The following DHX35 variants were observed in gnomAD, a reference collection of about 807,000 sequenced individuals.
DHX35 encodes the protein probable ATP-dependent RNA helicase DHX35.
In DHX35, 84 loss-of-function variants were observed where a neutral mutation model predicts 99.6. The observed-to-expected ratio is 0.84, with a 90% CI of 0.71 to 1.01. The LOEUF is 1.01. Ranked by LOEUF, DHX35 falls within the 50% of genes least tolerant of loss-of-function variation. DHX35 has a pLI of 0.00. For missense variants in DHX35, 852 were observed against 888.5 expected (o/e 0.96, Z 0.52); for synonymous variants, 331 against 316.2 (o/e 1.05, Z -0.50).
At chr20:38,992,846 CAG>C (rs1416402271) in intron 7 of DHX35, among the ~76,000 whole-genome samples, 3 of 152,090 alleles carry the variant, frequency 2.0e-5, no homozygotes, top group Non-Finnish European at 2.9e-5. Context: ...ATATGGCTTG[CAG>C]ATTTTAAATA....
At chr20:38,974,418 A>G (rs2086046310) in intron 3 of DHX35, among the ~76,000 whole-genome samples, 1 of 152,226 alleles carries the variant, frequency 6.6e-6, no homozygotes, top group Admixed American at 6.5e-5. Flanking sequence ...GATATTTGTG[A>G]TGACAAAGGG....
At chr20:38,988,370 C>A (rs755899296) in intron 4 of DHX35, among the ~76,000 whole-genome samples, 2 of 152,142 alleles carry the variant, frequency 1.3e-5, no homozygotes, top group Non-Finnish European at 1.5e-5. Flanking sequence ...TGGCTCACGC[C>A]TGTAATCCCT....
chr20:39,017,650 C>T (rs1384951289), intron 14 of DHX35, among the ~76,000 whole-genome samples: 32 of 152,062 alleles, frequency 2.1e-4, no homozygotes, highest in South Asian at 2.1e-4. Context: ...GATCTTGCAG[C>T]GTTTAAGTAG....
At chr20:39,010,150 A>C (rs1231394535) in intron 12 of DHX35, 130 bp from the exon 13 acceptor site, 2 of 1,176,212 alleles carry the variant, frequency 1.7e-6, no homozygotes, top group African/African-American at 3.1e-5. Context: ...ATATCATGGT[A>C]TCATGTGCAT....
intron 2 of DHX35, among the ~76,000 whole-genome samples, chr20:38,972,257 G>A (rs544523147): frequency 6.6e-4 from 100 of 152,042 alleles, no homozygotes; most frequent in African/African-American, 2.3e-3. Context: ...ATCCACCCCC[G>A]GCCCTGGCCT....
At chr20:38,991,361 T>TG in intron 5 of DHX35, 93 bp from the exon 6 acceptor site, 9 of 1,073,198 alleles carry the variant, frequency 8.4e-6, no homozygotes, top group Non-Finnish European at 1.2e-5. Flanking sequence ...CTTGTACACA[T>TG]GCTGGCAAAG....
chr20:38,997,041 A>G (rs547685887), intron 8 of DHX35, among the ~76,000 whole-genome samples: 2 of 149,014 alleles, frequency 1.3e-5, no homozygotes, highest in African/African-American at 2.5e-5. Flanking sequence ...CTTTTCTTAG[A>G]TTCATTTTAT....
chr20:38,991,475 G>T lies in DHX35; in HGVS notation c.472G>T (p.Val158Phe). 2 of 1,613,594 alleles carry T rather than the reference G, an allele frequency of 1.2e-6. No homozygotes were observed. The highest frequency in any genetic ancestry group is 2.2e-5 in the South Asian group (2 of 90,992). The change falls in exon 6 of 22, where the codon GTC becomes TTC. Residue 158 changes from valine (V) to phenylalanine (F), a missense_variant. Coordinates refer to ENST00000252011, the MANE Select transcript of DHX35 (RefSeq NM_021931.4). ...TTAGTTTCTTACTGATGGAATGCTG[G>T]TCAGGGAAATGATGGTTGATCCGTT... ...RIKFLTDGML[V>F]REMMVDPLLT...
At chr20:38,967,729 G>T (rs2085930811) in intron 1 of DHX35, among the ~76,000 whole-genome samples, 1 of 152,202 alleles carries the variant, frequency 6.6e-6, no homozygotes, top group African/African-American at 2.4e-5. Context: ...AGAAGCCGGG[G>T]TGAAGATCTC....
At chr20:39,031,438 G>A (rs1056401230) in intron 20 of DHX35, among the ~76,000 whole-genome samples, 5 of 151,252 alleles carry the variant, frequency 3.3e-5, no homozygotes, top group Non-Finnish European at 7.4e-5. Flanking sequence ...CCAGGTCCAC[G>A]TGATTCTCCT....
intron 12 of DHX35, among the ~76,000 whole-genome samples, chr20:39,007,397 G>C (rs1176141582): frequency 2.0e-5 from 3 of 152,204 alleles, no homozygotes; most frequent in South Asian, 2.1e-4. Flanking sequence ...GTATGATAGG[G>C]AGCCATAAAG....
chr20:38,988,620 A>G (rs2086284866), intron 4 of DHX35, among the ~76,000 whole-genome samples, 193 bp from the exon 5 acceptor site: 1 of 151,872 alleles, frequency 6.6e-6, no homozygotes, highest in South Asian at 2.1e-4. Context: ...ACAGAGTGAG[A>G]CTCTGTCTCA....
At chr20:38,975,892 G>A (rs1212690497) in intron 3 of DHX35, among the ~76,000 whole-genome samples, 1 of 152,192 alleles carries the variant, frequency 6.6e-6, no homozygotes, top group African/African-American at 2.4e-5. Flanking sequence ...AAGTTATATG[G>A]CCAGGCCTGA....
intron 7 of DHX35, 21 bp downstream of exon 7, chr20:38,992,446 T>C (rs201131041): frequency 8.5e-5 from 137 of 1,612,254 alleles, no homozygotes; most frequent in Non-Finnish European, 1.1e-4. Flanking sequence ...ACTGCCAGCT[T>C]TTCATTGTGT....
At chr20:38,969,683 A>G (rs139569113) in intron 2 of DHX35, among the ~76,000 whole-genome samples, 416 of 152,350 alleles carry the variant, frequency 2.7e-3, no homozygotes, top group African/African-American at 9.5e-3. Flanking sequence ...GGATTTTGGT[A>G]TGGTTACTAC....
At chr20:39,022,030 C>A in intron 16 of DHX35, 95 bp downstream of exon 16, 2 of 1,246,168 alleles carry the variant, frequency 1.6e-6, no homozygotes, top group Non-Finnish European at 2.3e-6. Context: ...GAAGACAGAG[C>A]TGTACAAATG....
chr20:38,988,763 G>A, intron 4 of DHX35, 50 bp from the exon 5 acceptor site: 3 of 1,610,682 alleles, frequency 1.9e-6, no homozygotes, highest in South Asian at 1.1e-5. Context: ...TATGTGCGCT[G>A]TGCAGTAATT....
chr20:38,977,130 A>T (rs1355278348), intron 3 of DHX35, among the ~76,000 whole-genome samples: 1 of 152,148 alleles, frequency 6.6e-6, no homozygotes, highest in Non-Finnish European at 1.5e-5. Flanking sequence ...TTGCTGCATC[A>T]TATGGTAGTT....
intron 3 of DHX35, among the ~76,000 whole-genome samples, chr20:38,976,838 G>A (rs1299834164): frequency 2.0e-5 from 3 of 152,068 alleles, no homozygotes; most frequent in African/African-American, 7.2e-5. Flanking sequence ...TTCCACATGT[G>A]AGTGAGCTCA....
Sources: allele counts gnomAD v4.1 joint callset (sites outside exome capture counted in the v4.1 genomes callset), GRCh38; gene constraint gnomAD v4.1.1; transcripts MANE v1.5; gene names NCBI Gene and HGNC (gene_info 2026-07-23, HGNC 2026-07-21).